The following RALA variants were observed in gnomAD, a reference collection of about 807,000 sequenced individuals.
The protein encoded by RALA is RAS like proto-oncogene A, also known as ras-related protein Ral-A.
RALA carries 5 observed loss-of-function variants against 24.0 expected under a neutral mutation model. The observed-to-expected ratio is 0.21, with a 90% confidence interval of 0.11 to 0.44. RALA has a LOEUF of 0.44. RALA is among the 20% of genes least tolerant of loss of function. RALA has a pLI of 0.99. For missense variants in RALA, 95 were observed against 241.2 expected (o/e 0.39, Z 4.01); for synonymous variants, 77 against 83.8 (o/e 0.92, Z 0.44).
chr7:39,630,107 G>T (rs191680005), intron 1 of RALA, among the ~76,000 whole-genome samples: 1 of 151,006 alleles, frequency 6.6e-6, no homozygotes, highest in Non-Finnish European at 1.5e-5. Context: ...GCAATGGTGC[G>T]ATCACAGCTC....
intron 1 of RALA, among the ~76,000 whole-genome samples, chr7:39,680,891 C>T (rs979478137): frequency 4.6e-5 from 7 of 152,058 alleles, no homozygotes; most frequent in South Asian, 2.1e-4. Flanking sequence ...TTTTGAATTC[C>T]GGCTCCCTCG....
At chr7:39,703,762 C>G (rs922938076) in intron 4 of RALA, among the ~76,000 whole-genome samples, 1 of 152,118 alleles carries the variant, frequency 6.6e-6, no homozygotes, top group Non-Finnish European at 1.5e-5. Context: ...GTACTTGTAT[C>G]TTTTCTCTTA....
chr7:39,627,895 A>G (rs999020199), intron 1 of RALA, among the ~76,000 whole-genome samples: 1 of 152,092 alleles, frequency 6.6e-6, no homozygotes, highest in Admixed American at 6.5e-5. Flanking sequence ...TTCAAACTCC[A>G]TTTATCCTTA....
intron 1 of RALA, among the ~76,000 whole-genome samples, chr7:39,631,449 C>T (rs1442319987): frequency 1.3e-5 from 2 of 152,106 alleles, no homozygotes; most frequent in African/African-American, 2.4e-5. Flanking sequence ...GCCTTGAACT[C>T]CTGGGCTCAA....
At chr7:39,629,354 A>G (rs780020755) in intron 1 of RALA, among the ~76,000 whole-genome samples, 15 of 152,192 alleles carry the variant, frequency 9.9e-5, no homozygotes, top group Non-Finnish European at 2.1e-4. Flanking sequence ...ATGTTTTCAT[A>G]TGTTTAAGGG....
At chr7:39,648,533 T>A (rs1791966727) in intron 1 of RALA, among the ~76,000 whole-genome samples, 2 of 152,008 alleles carry the variant, frequency 1.3e-5, no homozygotes, top group African/African-American at 2.4e-5. Flanking sequence ...ATGGGCAAAA[T>A]TCTGCCCTCA....
chr7:39,706,118 TCTAGGTA>T lies in RALA; in HGVS notation c.499-4_501del. On this transcript the variant is annotated splice_acceptor_variant and splice_polypyrimidine_tract_variant and coding_sequence_variant and intron_variant, in exon 5 of 5. Transcript: ENST00000005257. LOFTEE classifies it high-confidence loss of function. Reference sequence around the variant, plus strand: ...CTTTATTTATCCTATTTTTTTTCTTTCTAGGTATTTTTTGATTTAATGAGAGAAATTC... The same window carrying T: ...CTTTATTTATCCTATTTTTTTTCTTTTTTTTTGATTTAATGAGAGAAATTC... 1 of 1,597,096 alleles carries T rather than the reference TCTAGGTA, an allele frequency of 6.3e-7. No individual in the cohort carries two copies. The highest frequency in any genetic ancestry group is 1.4e-5 in the African/African-American group (1 of 73,826).
intron 1 of RALA, among the ~76,000 whole-genome samples, chr7:39,631,150 G>A (rs1791591078): frequency 6.6e-6 from 1 of 151,940 alleles, no homozygotes; most frequent in Non-Finnish European, 1.5e-5. Flanking sequence ...TGGAACCACA[G>A]GCGTGTGCCA....
At chr7:39,683,064 G>A (rs1792634669) in intron 1 of RALA, among the ~76,000 whole-genome samples, 1 of 152,150 alleles carries the variant, frequency 6.6e-6, no homozygotes, top group Admixed American at 6.5e-5. Context: ...TTTGTAAGAG[G>A]CAGCAAACTT....
intron 1 of RALA, among the ~76,000 whole-genome samples, chr7:39,653,901 T>C (rs1051790595): frequency 6.6e-6 from 1 of 152,202 alleles, no homozygotes; most frequent in African/African-American, 2.4e-5. Flanking sequence ...TCCATCTGAA[T>C]ATGTACTAGT....
At chr7:39,684,524 G>C (rs907433782) in intron 1 of RALA, among the ~76,000 whole-genome samples, 1 of 151,978 alleles carries the variant, frequency 6.6e-6, no homozygotes, top group Admixed American at 6.6e-5. Flanking sequence ...TGTACAGCCC[G>C]TATGTGAGGC....
intron 1 of RALA, among the ~76,000 whole-genome samples, chr7:39,683,263 C>T (rs901905250): frequency 2.0e-5 from 3 of 152,176 alleles, no homozygotes; most frequent in Non-Finnish European, 4.4e-5. Context: ...TGGCCTTCTT[C>T]TGCTTCCTAG....
chr7:39,678,362 G>A (rs1263987081), intron 1 of RALA, among the ~76,000 whole-genome samples: 1 of 152,172 alleles, frequency 6.6e-6, no homozygotes, highest in African/African-American at 2.4e-5. Context: ...GGATTCCATA[G>A]CCTCAGCACC....
At chr7:39,671,749 G>T (rs1249797228) in intron 1 of RALA, among the ~76,000 whole-genome samples, 1 of 152,102 alleles carries the variant, frequency 6.6e-6, no homozygotes, top group East Asian at 1.9e-4. Flanking sequence ...CCTTAAAACA[G>T]AATATTACTT....
intron 1 of RALA, among the ~76,000 whole-genome samples, chr7:39,639,955 C>T (rs1034191404): frequency 6.7e-6 from 1 of 148,854 alleles, no homozygotes; most frequent in African/African-American, 2.6e-5. Flanking sequence ...ATGAACCAAA[C>T]AACATTATTT....
At chr7:39,634,337 TCAGACTTGGGTGGGG>T (rs1035885265) in intron 1 of RALA, among the ~76,000 whole-genome samples, 5 of 152,196 alleles carry the variant, frequency 3.3e-5, no homozygotes, top group African/African-American at 1.2e-4. Flanking sequence ...GGTATGAAAT[TCAGACTTGGGTGGGG>T]CAGACTTGGG....
intron 1 of RALA, among the ~76,000 whole-genome samples, chr7:39,659,470 A>G (rs1792148939): frequency 6.6e-6 from 1 of 151,904 alleles, no homozygotes; most frequent in African/African-American, 2.4e-5. Context: ...TACTTTTCAG[A>G]TACACTTTTA....
intron 3 of RALA, among the ~76,000 whole-genome samples, chr7:39,694,084 ATAAAT>A (rs1792876282): frequency 6.6e-6 from 1 of 152,222 alleles, no homozygotes; most frequent in Middle Eastern, 3.2e-3. Flanking sequence ...ATTCACATAT[ATAAAT>A]TAGTTTCTCA....
At chr7:39,665,272 C>T (rs1415329299) in intron 1 of RALA, among the ~76,000 whole-genome samples, 1 of 152,030 alleles carries the variant, frequency 6.6e-6, no homozygotes, top group East Asian at 1.9e-4. Context: ...TATGATGATC[C>T]ACTTTCACTT....
Sources: allele counts gnomAD v4.1 joint callset (sites outside exome capture counted in the v4.1 genomes callset), GRCh38; gene constraint gnomAD v4.1.1; transcripts MANE v1.5; gene names NCBI Gene and HGNC (gene_info 2026-07-23, HGNC 2026-07-21).